PRDM16: variants seen among roughly 807,000 people sequenced by gnomAD.
PRDM16 encodes PR/SET domain 16.
Under a neutral mutation model 110.6 loss-of-function variants are expected in PRDM16, and 23 were observed. That is an observed-to-expected ratio of 0.21 (90% CI 0.15 to 0.29). PRDM16 has a LOEUF of 0.29. PRDM16 is among the 10% of genes least tolerant of loss of function. PRDM16 has a pLI of 1.00. For missense variants in PRDM16, 1,615 were observed against 1,794.3 expected (o/e 0.90, Z 1.81); for synonymous variants, 799 against 781.8 (o/e 1.02, Z -0.37).
chr1:3,254,468 G>A (rs1344434732), intron 3 of PRDM16, among the ~76,000 whole-genome samples: 2 of 152,094 alleles, frequency 1.3e-5, no homozygotes, highest in East Asian at 3.9e-4. Context: ...AAAGTCTCAG[G>A]ATACAAAATC....
chr1:3,185,922 C>G (rs1240581808), intron 1 of PRDM16, among the ~76,000 whole-genome samples: 1 of 152,246 alleles, frequency 6.6e-6, no homozygotes, highest in African/African-American at 2.4e-5. Context: ...ATCCCATCCT[C>G]TGGAGCCTCT....
At chr1:3,223,147 G>A (rs763621709) in intron 2 of PRDM16, among the ~76,000 whole-genome samples, 3 of 113,430 alleles carry the variant, frequency 2.6e-5, no homozygotes, top group South Asian at 5.9e-4. Flanking sequence ...GTCTTGCTCT[G>A]TTGCCAGGCT....
intron 3 of PRDM16, among the ~76,000 whole-genome samples, chr1:3,337,665 A>G (rs1296422858): frequency 3.3e-5 from 5 of 152,182 alleles, no homozygotes; most frequent in South Asian, 4.1e-4. Flanking sequence ...CCATGCAACC[A>G]TCTCTGCCCC....
rs55931338 is a variant in PRDM16 at position 3,405,377 on chromosome 1, A to G, written c.1033-118A>G. The G allele has an allele frequency of 0.018, 21,653 of 1,200,686 alleles. 298 individuals carry two copies. Among genetic ancestry groups the G allele is most frequent in the South Asian group, 0.051 (3,193 of 62,142 alleles). The allele number at this position is 1,200,686 out of a possible 1,614,324, so 74.4% of individuals were successfully genotyped here. ...TCCCGGCCTGCTTGGTGCAGACTGC[A>G]ACGTGGCAAGAGAGACAGGCAGGGC... On this transcript the variant is annotated intron_variant, in intron 7 of 16. Transcript: ENST00000270722.
At chr1:3,156,092 G>T (rs1435564969) in intron 1 of PRDM16, among the ~76,000 whole-genome samples, 3 of 152,166 alleles carry the variant, frequency 2.0e-5, no homozygotes, top group Non-Finnish European at 2.9e-5. Flanking sequence ...TATTCTTGGG[G>T]AAGGAAAGAC....
At chr1:3,432,846 C>T (rs182421959) in intron 16 of PRDM16, among the ~76,000 whole-genome samples, 1 of 152,220 alleles carries the variant, frequency 6.6e-6, no homozygotes, top group Non-Finnish European at 1.5e-5. Flanking sequence ...AACCCACACA[C>T]GATGCTCCCC....
intron 1 of PRDM16, among the ~76,000 whole-genome samples, chr1:3,076,209 C>CGT (rs1404467743): frequency 1.3e-5 from 2 of 152,156 alleles, no homozygotes; most frequent in Admixed American, 6.5e-5. Context: ...TGTCCAAGCA[C>CGT]GTGTGTGTGT....
intron 2 of PRDM16, among the ~76,000 whole-genome samples, chr1:3,193,547 C>G (rs905134): frequency 6.6e-6 from 1 of 152,188 alleles, no homozygotes; most frequent in Non-Finnish European, 1.5e-5. Context: ...CATGGACCTC[C>G]GCACTCTCCA....
chr1:3,284,895 C>G (rs2500301), intron 3 of PRDM16, among the ~76,000 whole-genome samples: 2 of 152,132 alleles, frequency 1.3e-5, no homozygotes. Flanking sequence ...GGGCAGCTTC[C>G]GAGCTTGGTG....
chr1:3,296,258 C>T (rs1242976167), intron 3 of PRDM16, among the ~76,000 whole-genome samples: 1 of 152,224 alleles, frequency 6.6e-6, no homozygotes, highest in Non-Finnish European at 1.5e-5. Context: ...CCGTCCAGCC[C>T]CAGTTCCCAT....
chr1:3,128,723 G>A (rs1643263357), intron 1 of PRDM16, among the ~76,000 whole-genome samples: 1 of 151,976 alleles, frequency 6.6e-6, no homozygotes, highest in African/African-American at 2.4e-5. Flanking sequence ...CATCCCACCC[G>A]GGTCGGTGGC....
At chr1:3,346,819 AC>A (rs1169974870) in intron 3 of PRDM16, among the ~76,000 whole-genome samples, 1 of 152,092 alleles carries the variant, frequency 6.6e-6, no homozygotes, top group Non-Finnish European at 1.5e-5. Context: ...TGGCCTAGTG[AC>A]CGGCTGAACA....
At position 3,157,187 on chromosome 1, in the gene PRDM16, C is replaced by T. The variant is rs141630600; in HGVS notation, c.38-28938C>T. ...CGGGACCTGGAGAAGGAGGGCCGCTCGGCAACCGCTGAGCCGGCGCAAGAG... is the reference window on the plus strand; with the variant it reads ...CGGGACCTGGAGAAGGAGGGCCGCTTGGCAACCGCTGAGCCGGCGCAAGAG... On this transcript the variant is annotated intron_variant, in intron 1 of 16. Coordinates refer to ENST00000270722, the MANE Select transcript of PRDM16 (RefSeq NM_022114.4). The surrounding 1 kb of genome is among the most constrained non-coding windows in gnomAD (Gnocchi z 4.8). 1.3e-5 allele frequency among the ~76,000 whole-genome samples: 2 copies of T among 152,108 alleles called. No homozygotes were observed. The highest frequency in any genetic ancestry group is 4.8e-5 in the African/African-American group (2 of 41,434).
chr1:3,365,329 C>T (rs1642789687), intron 3 of PRDM16, among the ~76,000 whole-genome samples: 1 of 152,220 alleles, frequency 6.6e-6, no homozygotes, highest in Admixed American at 6.5e-5. Context: ...TCTGGTTCCC[C>T]ACCCCTGGGC....
chr1:3,398,050 G>A (rs1006686105), intron 5 of PRDM16, among the ~76,000 whole-genome samples: 3 of 152,172 alleles, frequency 2.0e-5, no homozygotes, highest in Non-Finnish European at 2.9e-5. Context: ...ATCAATTGCC[G>A]AGATCTGGAT....
At chr1:3,259,939 T>C (rs2100247507) in intron 3 of PRDM16, among the ~76,000 whole-genome samples, 1 of 152,260 alleles carries the variant, frequency 6.6e-6, no homozygotes, top group East Asian at 1.9e-4. Flanking sequence ...ATTACTAAGC[T>C]GTGGCCCTCA....
intron 3 of PRDM16, among the ~76,000 whole-genome samples, chr1:3,346,204 A>T (rs1642359870): frequency 6.6e-6 from 1 of 151,978 alleles, no homozygotes; most frequent in Non-Finnish European, 1.5e-5. Context: ...ACTGTTTATC[A>T]GGCTTCCTTT....
At chr1:3,162,879 G>C (rs1002870356) in intron 1 of PRDM16, among the ~76,000 whole-genome samples, 30 of 147,398 alleles carry the variant, frequency 2.0e-4, no homozygotes, top group Non-Finnish European at 3.5e-4. Context: ...GGCTTTGGGA[G>C]AGGGGATGTG....
chr1:3,251,405 C>T (rs1003109962), intron 3 of PRDM16, among the ~76,000 whole-genome samples: 3 of 152,114 alleles, frequency 2.0e-5, no homozygotes, highest in African/African-American at 4.8e-5. Context: ...TCTGGGCACC[C>T]GGCGTGAGAA....
Sources: gnomAD v4.1 joint callset for allele counts (sites outside exome capture counted in the v4.1 genomes callset) on GRCh38, gnomAD v4.1.1 for gene constraint, Gnocchi (gnomAD v3.1) non-coding constraint, MANE v1.5 for transcripts, NCBI Gene and HGNC (gene_info 2026-07-23, HGNC 2026-07-21) for gene names.